PALS2: variants seen among roughly 807,000 people sequenced by gnomAD.
The protein encoded by PALS2 is protein PALS2.
Under a neutral mutation model 61.6 loss-of-function variants are expected in PALS2, and 27 were observed. That is an observed-to-expected ratio of 0.44 (90% CI 0.32 to 0.60). The LOEUF (loss-of-function observed/expected upper bound fraction) is 0.60. Ranked by LOEUF, PALS2 falls within the 20% of genes least tolerant of loss-of-function variation. The probability of loss-of-function intolerance (pLI) is 0.05; values close to 1 mark genes in which losing one functional copy is unlikely to be tolerated. For missense variants in PALS2, 554 were observed against 639.4 expected (o/e 0.87, Z 1.44); for synonymous variants, 236 against 218.6 (o/e 1.08, Z -0.70).
chr7:24,603,791 TG>T (rs1583860159), intron 1 of PALS2, among the ~76,000 whole-genome samples: 2 of 152,154 alleles, frequency 1.3e-5, no homozygotes, highest in East Asian at 3.9e-4. Flanking sequence ...CAGCATACCT[TG>T]GAGGGAAACA....
chr7:24,689,325 A>T lies in PALS2; in HGVS notation c.*1711A>T, dbSNP rs985828136. The T allele has an allele frequency of 3.3e-5, 5 of 152,226 alleles. No individual in the cohort carries two copies. Among genetic ancestry groups the T allele is most frequent in the Non-Finnish European group, 7.3e-5 (5 of 68,036 alleles). 9.4% of individuals were successfully genotyped at this position (152,226 alleles called of 1,614,324 possible). A position where few individuals can be genotyped will look rare whatever the true frequency, so the allele number is the denominator to read the frequency against. On this transcript the variant is annotated 3_prime_UTR_variant, in exon 12 of 12. Coordinates refer to ENST00000222644, the MANE Select transcript of PALS2 (RefSeq NM_001303037.2). ...GTTGCTAGCTTTTCATGTAAACATT[A>T]TTCACACTTTAAAGGATTAGGTGTT...
intron 2 of PALS2, among the ~76,000 whole-genome samples, chr7:24,626,674 T>C (rs1784757383): frequency 6.6e-6 from 1 of 151,870 alleles, no homozygotes; most frequent in Non-Finnish European, 1.5e-5. Flanking sequence ...AATAAATGGA[T>C]GGAGGCAGAT....
chr7:24,600,713 C>A lies in PALS2; in HGVS notation c.-2-22953C>A, dbSNP rs1362185338. Among the ~76,000 whole-genome samples, 3 of 152,042 alleles carry A rather than the reference C, an allele frequency of 2.0e-5. No individual in the cohort carries two copies. In the South Asian group the frequency reaches 6.2e-4, roughly 32 times the overall value. On this transcript the variant is annotated intron_variant, in intron 1 of 11. Coordinates refer to ENST00000222644, the MANE Select transcript of PALS2 (RefSeq NM_001303037.2). ...TTTAAATTATAGTTTTTACATCTTACGTTTTAGTTGAATGTTTTACTGAAA... is the reference window on the plus strand; with the variant it reads ...TTTAAATTATAGTTTTTACATCTTAAGTTTTAGTTGAATGTTTTACTGAAA...
intron 2 of PALS2, among the ~76,000 whole-genome samples, chr7:24,631,729 C>G (rs1005021535): frequency 6.6e-6 from 1 of 152,176 alleles, no homozygotes; most frequent in African/African-American, 2.4e-5. Flanking sequence ...CAGCAACCAC[C>G]GCCTTGATCA....
rs1311387886 is a variant in PALS2 at position 24,693,857 on chromosome 7, T to C, written c.*6243T>C. On this transcript the variant is annotated 3_prime_UTR_variant, in exon 12 of 12. Coordinates refer to ENST00000222644, the MANE Select transcript of PALS2 (RefSeq NM_001303037.2). ...CTCTGTTGGAGCCTATGGTGAGTATTTGATGTGAAAACCTTGCTGTGGGAA... is the reference window on the plus strand; with the variant it reads ...CTCTGTTGGAGCCTATGGTGAGTATCTGATGTGAAAACCTTGCTGTGGGAA... 6.6e-6 allele frequency: 1 copy of C among 152,134 alleles called. No individual in the cohort carries two copies. Among genetic ancestry groups the C allele is most frequent in the African/African-American group, 2.4e-5 (1 of 41,424 alleles). The allele number at this position is 152,134 out of a possible 1,614,324, so 9.4% of individuals were successfully genotyped here. A position where few individuals can be genotyped will look rare whatever the true frequency, so the allele number is the denominator to read the frequency against.
intron 2 of PALS2, among the ~76,000 whole-genome samples, chr7:24,640,967 C>T (rs1481686615): frequency 7.5e-6 from 1 of 132,942 alleles, no homozygotes; most frequent in Non-Finnish European, 1.5e-5. Flanking sequence ...GAGGTCGCGC[C>T]ACTGCACTCC....
chr7:24,677,309 A>T (rs557585512), intron 9 of PALS2, among the ~76,000 whole-genome samples: 1 of 151,796 alleles, frequency 6.6e-6, no homozygotes, highest in East Asian at 1.9e-4. Context: ...CAATCACGTC[A>T]TCTGCAAACA....
At chr7:24,682,862 A>G (rs2128034730) in intron 11 of PALS2, among the ~76,000 whole-genome samples, 1 of 151,988 alleles carries the variant, frequency 6.6e-6, no homozygotes, top group Non-Finnish European at 1.5e-5. Flanking sequence ...TTCTGTCCCC[A>G]TTGTATCATT....
intron 1 of PALS2, among the ~76,000 whole-genome samples, chr7:24,605,367 C>T (rs1172924601): frequency 2.0e-5 from 3 of 152,068 alleles, no homozygotes; most frequent in Admixed American, 2.0e-4. Context: ...GAATCTGCAA[C>T]AACTAAAAGA....
chr7:24,638,012 T>C (rs568007769), intron 2 of PALS2, among the ~76,000 whole-genome samples: 48 of 152,300 alleles, frequency 3.2e-4, no homozygotes, highest in African/African-American at 1.1e-3. Flanking sequence ...GCTCACTTGC[T>C]CCTCTGGTTA....
At chr7:24,575,552 C>G (rs1003990284) in intron 1 of PALS2, among the ~76,000 whole-genome samples, 2 of 152,082 alleles carry the variant, frequency 1.3e-5, no homozygotes, top group East Asian at 1.9e-4. Flanking sequence ...TATGTGTTAT[C>G]TTTTTAAAAA....
In PALS2 at chr7:24,649,688, C is replaced by G. The variant is rs1264793643; in HGVS notation, c.347C>G (p.Ser116Cys). 2.5e-6 allele frequency: 4 copies of G among 1,611,628 alleles called. No homozygotes were observed. Among genetic ancestry groups the G allele is most frequent in the Non-Finnish European group, 3.4e-6 (4 of 1,178,940 alleles). Residue 116 changes from serine (S) to cysteine (C), a missense_variant, in exon 4 of 12, where the codon TCT becomes TGT. Ser to Cys is a moderately radical substitution (Grantham distance 112, BLOSUM62 -1). Coordinates refer to ENST00000222644, the MANE Select transcript of PALS2 (RefSeq NM_001303037.2). ...CCATCAAGCCCAGAAATGAATAATT[C>G]TTCTATCAATAATCAGTTATTACCA... is the stretch of plus-strand genomic sequence containing the variant. Reference protein sequence around the residue: ...SPPSSPEMNNSSINNQLLPVD... With the variant: ...SPPSSPEMNNCSINNQLLPVD...
At chr7:24,615,633 G>C (rs1047239897) in intron 1 of PALS2, among the ~76,000 whole-genome samples, 3 of 151,712 alleles carry the variant, frequency 2.0e-5, no homozygotes, top group African/African-American at 7.2e-5. Flanking sequence ...TCCAGGACTG[G>C]ATGGCTTCAC....
chr7:24,628,491 G>A (rs891831921), intron 2 of PALS2, among the ~76,000 whole-genome samples: 11 of 152,106 alleles, frequency 7.2e-5, no homozygotes, highest in African/African-American at 1.7e-4. Flanking sequence ...CTTATTCAAC[G>A]TAGTATTGGA....
intron 2 of PALS2, among the ~76,000 whole-genome samples, chr7:24,630,026 A>G (rs984943689): frequency 6.6e-6 from 1 of 152,202 alleles, no homozygotes; most frequent in Non-Finnish European, 1.5e-5. Flanking sequence ...ACACATGCAC[A>G]TGTATGTTTA....
At chr7:24,577,024 A>C (rs1782665728) in intron 1 of PALS2, among the ~76,000 whole-genome samples, 1 of 152,208 alleles carries the variant, frequency 6.6e-6, no homozygotes, top group South Asian at 2.1e-4. Context: ...CAATTCAATA[A>C]TAATGAACTC....
chr7:24,576,369 G>T (rs1782643670), intron 1 of PALS2, among the ~76,000 whole-genome samples: 1 of 152,096 alleles, frequency 6.6e-6, no homozygotes, highest in African/African-American at 2.4e-5. Context: ...TTACAATTGG[G>T]CTTGACCATA....
intron 9 of PALS2, among the ~76,000 whole-genome samples, chr7:24,669,174 A>G (rs1378819498): frequency 3.3e-5 from 5 of 152,204 alleles, no homozygotes; most frequent in Non-Finnish European, 5.9e-5. Flanking sequence ...AGCATTCATT[A>G]AGGTTACAGA....
chr7:24,634,064 A>G (rs541965493), intron 2 of PALS2, among the ~76,000 whole-genome samples: 234 of 151,916 alleles, frequency 1.5e-3, no homozygotes, highest in African/African-American at 5.5e-3. Flanking sequence ...CCATGTTTAA[A>G]TTGAGTCATA....
Sources: gnomAD v4.1 joint callset for allele counts (sites outside exome capture counted in the v4.1 genomes callset) on GRCh38, gnomAD v4.1.1 for gene constraint, MANE v1.5 for transcripts, NCBI Gene and HGNC (gene_info 2026-07-23, HGNC 2026-07-21) for gene names.